The following SMIM31 variants were observed in gnomAD, a reference collection of about 807,000 sequenced individuals.
SMIM31 encodes the protein small integral membrane protein 31, also known as human epithelial cell program regulator.
rs531088186 is a variant in SMIM31 at position 164,756,819 on chromosome 4, A to G, written c.-26+2408A>G. On this transcript the variant is annotated intron_variant, in intron 1 of 2. Transcript: ENST00000507311. ...CATTATGTAAATATGTAATTTGTGT[A>G]TCCATTCTCTTGTCAATGGACGCCT... is the stretch of plus-strand genomic sequence containing the variant. 1.4e-3 allele frequency among the ~76,000 whole-genome samples: 209 copies of G among 152,276 alleles called. 1 individual carries two copies. The highest frequency in any genetic ancestry group is 4.8e-3 in the African/African-American group (198 of 41,554).
At chr4:164,797,655 G>A (rs571626629) in intron 2 of SMIM31, among the ~76,000 whole-genome samples, 2 of 151,998 alleles carry the variant, frequency 1.3e-5, no homozygotes, top group Non-Finnish European at 1.5e-5. Context: ...GTAGAGAAGA[G>A]GTTTCACCAT....
intron 2 of SMIM31, among the ~76,000 whole-genome samples, chr4:164,778,657 T>C (rs35509229): frequency 0.46 from 69,780 of 152,024 alleles, 17,790 homozygotes; most frequent in South Asian, 0.63. Flanking sequence ...ATGTCTACTT[T>C]GGAGATAAGG....
At chr4:164,756,968 G>A (rs1480718010) in intron 1 of SMIM31, among the ~76,000 whole-genome samples, 1 of 152,136 alleles carries the variant, frequency 6.6e-6, no homozygotes, top group East Asian at 1.9e-4. Context: ...TCATACTGTA[G>A]TTATAGTTTA....
At chr4:164,758,901 C>T (rs1732609239) in intron 1 of SMIM31, among the ~76,000 whole-genome samples, 1 of 145,422 alleles carries the variant, frequency 6.9e-6, no homozygotes. Flanking sequence ...ATCTCCTGAC[C>T]TCGTGATCTG....
chr4:164,762,740 C>T (rs534957026), intron 1 of SMIM31, among the ~76,000 whole-genome samples: 5 of 151,502 alleles, frequency 3.3e-5, no homozygotes, highest in African/African-American at 1.2e-4. Flanking sequence ...GCGCACAATG[C>T]TGCTATAAAA....
intron 2 of SMIM31, among the ~76,000 whole-genome samples, chr4:164,799,758 G>A (rs956478202): frequency 1.3e-4 from 20 of 152,310 alleles, no homozygotes; most frequent in South Asian, 8.3e-4. Context: ...ATCACAAAAC[G>A]CAGTGATCTT....
Position 164,780,297 on chromosome 4 carries a change from CAT to C in SMIM31, c.112+9743_112+9744del, listed in dbSNP as rs1275855043. 3.2e-4 allele frequency among the ~76,000 whole-genome samples: 48 copies of C among 152,252 alleles called. No individual in the cohort carries two copies. In the East Asian group the frequency reaches 8.5e-3, roughly 27 times the overall value. ...AAAAAATTAGCCAGGCGTGGTGGCG[CAT>C]GCCTGTAGTCCCAGCTACTCGGGAG... On this transcript the variant is annotated intron_variant, in intron 2 of 2. Coordinates refer to ENST00000507311, the MANE Select transcript of SMIM31 (RefSeq NM_001352885.1).
At chr4:164,784,608 G>A (rs1227433838) in intron 2 of SMIM31, among the ~76,000 whole-genome samples, 1 of 152,146 alleles carries the variant, frequency 6.6e-6, no homozygotes, top group Non-Finnish European at 1.5e-5. Flanking sequence ...CAAAGATGCT[G>A]GGAGAAATAA....
rs778742203 is a variant in SMIM31 at position 164,762,025 on chromosome 4, GTCGGCAGGA to G, written c.-26+7615_-26+7623del. 2.8e-4 allele frequency among the ~76,000 whole-genome samples: 42 copies of G among 152,286 alleles called. 1 individual carries two copies. The Middle Eastern group carries it at 0.014, about 49-fold the overall frequency. ...CAGAGCTCCTGCTAGCTCAGCCAAT[GTCGGCAGGA>G]GGGAGGAGAAACGTGAAAGAGTCAC... On this transcript the variant is annotated intron_variant, in intron 1 of 2. Coordinates refer to ENST00000507311, the MANE Select transcript of SMIM31 (RefSeq NM_001352885.1).
At chr4:164,787,110 A>G (rs1733034823) in intron 2 of SMIM31, among the ~76,000 whole-genome samples, 2 of 152,330 alleles carry the variant, frequency 1.3e-5, no homozygotes, top group African/African-American at 2.4e-5. Context: ...ATAATTTTCA[A>G]TCTCCTTTTT....
intron 1 of SMIM31, among the ~76,000 whole-genome samples, chr4:164,760,124 T>C (rs773007714): frequency 3.3e-5 from 5 of 152,004 alleles, no homozygotes; most frequent in Non-Finnish European, 7.4e-5. Flanking sequence ...ATGGAGGAAA[T>C]GACGGGGAGG....
At chr4:164,778,906 T>C (rs1732911840) in intron 2 of SMIM31, among the ~76,000 whole-genome samples, 1 of 151,900 alleles carries the variant, frequency 6.6e-6, no homozygotes, top group African/African-American at 2.4e-5. Flanking sequence ...CCATGTTTAC[T>C]ATAACCATAA....
rs567031827 is a variant in SMIM31 at position 164,801,566 on chromosome 4, C to T, written c.*372C>T. The T allele has an allele frequency of 1.3e-5, 2 of 157,184 alleles. No individual in the cohort carries two copies. The highest frequency in any genetic ancestry group is 4.8e-5 in the African/African-American group (2 of 41,784). 9.7% of individuals were successfully genotyped at this position (157,184 alleles called of 1,614,324 possible). On this transcript the variant is annotated 3_prime_UTR_variant, in exon 3 of 3. Coordinates refer to ENST00000507311, the MANE Select transcript of SMIM31 (RefSeq NM_001352885.1). ...TTAATCACTTTTTTTGGTCCTGCGA[C>T]ACACATGATAATTTTTGTCTTAATT...
intron 2 of SMIM31, among the ~76,000 whole-genome samples, chr4:164,784,081 A>G (rs2110949372): frequency 6.6e-6 from 1 of 152,330 alleles, no homozygotes; most frequent in South Asian, 2.1e-4. Context: ...TGGTGGCCCT[A>G]AAAATAAAAA....
In SMIM31 at chr4:164,803,468, T is replaced by C. The variant is rs1269691063; in HGVS notation, c.*2274T>C. On this transcript the variant is annotated 3_prime_UTR_variant, in exon 3 of 3. Coordinates refer to ENST00000507311, the MANE Select transcript of SMIM31 (RefSeq NM_001352885.1). ...GTCAAGTTAGATGTTAAAGAGGACA[T>C]GTAAAATAAAATCTCCCTAACATGT... The C allele has an allele frequency of 6.6e-6, 1 of 152,036 alleles. No individual in the cohort carries two copies. Among genetic ancestry groups the C allele is most frequent in the African/African-American group, 2.4e-5 (1 of 41,376 alleles). The allele number at this position is 152,036 out of a possible 1,614,324, so 9.4% of individuals were successfully genotyped here.
In SMIM31 at chr4:164,782,033, G is replaced by A. The variant is rs575350207; in HGVS notation, c.112+11478G>A. On this transcript the variant is annotated intron_variant, in intron 2 of 2. Coordinates refer to ENST00000507311, the MANE Select transcript of SMIM31 (RefSeq NM_001352885.1). Reference sequence around the variant, plus strand: ...GGGCCGGGCATGGTGGCTCACTCCTGTAATCCCAGCACTTTGGGAGGTTGA... The same window carrying A: ...GGGCCGGGCATGGTGGCTCACTCCTATAATCCCAGCACTTTGGGAGGTTGA... 8.5e-5 allele frequency among the ~76,000 whole-genome samples: 13 copies of A among 152,234 alleles called. No homozygotes were observed. The East Asian group carries it at 1.9e-3, about 23-fold the overall frequency.
At chr4:164,768,703 C>G (rs1322665515) in intron 1 of SMIM31, among the ~76,000 whole-genome samples, 1 of 152,102 alleles carries the variant, frequency 6.6e-6, no homozygotes, top group South Asian at 2.1e-4. Context: ...ACCTATAGCA[C>G]TTAAAAACCA....
At chr4:164,755,684 T>C (rs1732552373) in intron 1 of SMIM31, among the ~76,000 whole-genome samples, 1 of 151,738 alleles carries the variant, frequency 6.6e-6, no homozygotes, top group South Asian at 2.1e-4. Context: ...TGAATGAAAC[T>C]GATGTTATTG....
intron 1 of SMIM31, among the ~76,000 whole-genome samples, chr4:164,768,414 C>G (rs1393714749): frequency 1.1e-5 from 1 of 91,680 alleles, no homozygotes; most frequent in African/African-American, 3.6e-5. Context: ...GGGTGACGAG[C>G]AACAGTACAT....
Sources: gnomAD v4.1 joint callset for allele counts (sites outside exome capture counted in the v4.1 genomes callset) on GRCh38, gnomAD v4.1.1 for gene constraint, MANE v1.5 for transcripts, NCBI Gene and HGNC (gene_info 2026-07-23, HGNC 2026-07-21) for gene names.